BABAM2: variants seen among roughly 807,000 people sequenced by gnomAD.
BABAM2 encodes BRISC and BRCA1-A complex member 2.
A neutral mutation model predicts 54.7 loss-of-function variants in BABAM2; 31 were observed. The ratio of observed to expected loss-of-function variants is 0.57; its 90% CI spans 0.43 to 0.77. The LOEUF (loss-of-function observed/expected upper bound fraction) is 0.77. Among genes scored for constraint, BABAM2 ranks in the 30% least tolerant of loss-of-function variants. The pLI is 0.00. For missense variants in BABAM2, 364 were observed against 455.8 expected (o/e 0.80, Z 1.83); for synonymous variants, 167 against 162.9 (o/e 1.03, Z -0.19).
chr2:28,125,159 C>T (rs976224284), intron 6 of BABAM2, among the ~76,000 whole-genome samples: 1 of 152,080 alleles, frequency 6.6e-6, no homozygotes, highest in Non-Finnish European at 1.5e-5. Flanking sequence ...ATACCATTTT[C>T]CAGATTTTAA....
At position 28,083,742 on chromosome 2, in the gene BABAM2, A is replaced by G. The variant is rs148252459; in HGVS notation, c.570+37943A>G. 2.6e-3 allele frequency among the ~76,000 whole-genome samples: 389 copies of G among 152,278 alleles called. 4 individuals are homozygous for G. The highest frequency in any genetic ancestry group is 9.1e-3 in the African/African-American group (377 of 41,560). On this transcript the variant is annotated intron_variant, in intron 6 of 11. Transcript: ENST00000379624. ...TGAGGTCTGATTTGGCCTGTGGGTA[A>G]CTAGATACTGACTCTTATCTTTGTC...
intron 2 of BABAM2, among the ~76,000 whole-genome samples, chr2:27,920,303 T>G (rs1667258671): frequency 6.6e-6 from 1 of 152,188 alleles, no homozygotes; most frequent in South Asian, 2.1e-4. Flanking sequence ...ATATGTAAGA[T>G]TCCATGAACC....
intron 6 of BABAM2, among the ~76,000 whole-genome samples, chr2:28,119,653 G>A (rs984416870): frequency 6.6e-6 from 1 of 152,100 alleles, no homozygotes; most frequent in African/African-American, 2.4e-5. Context: ...GATAAGTACA[G>A]CTTCACAAAC....
intron 6 of BABAM2, among the ~76,000 whole-genome samples, chr2:28,066,364 G>A (rs934152102): frequency 6.6e-6 from 1 of 151,872 alleles, no homozygotes; most frequent in Non-Finnish European, 1.5e-5. Context: ...TTATTCTTTA[G>A]TATATTGTTT....
rs1676350761 is a variant in BABAM2 at position 28,032,275 on chromosome 2, T to G, written c.495+6855T>G. Among the ~76,000 whole-genome samples, 2 of 152,302 alleles carry G rather than the reference T, an allele frequency of 1.3e-5. 1 individual carries two copies. Among genetic ancestry groups the G allele is most frequent in the South Asian group, 4.1e-4 (2 of 4,828 alleles). ...TAAAAACATTCCTGCTCTAAAAGTA[T>G]GAGGCTTTGAAAAACCTGATATGCT... On this transcript the variant is annotated intron_variant, in intron 5 of 11. Coordinates refer to ENST00000379624, the MANE Select transcript of BABAM2 (RefSeq NM_199191.3).
At chr2:28,124,094 C>G (rs957299051) in intron 6 of BABAM2, among the ~76,000 whole-genome samples, 3 of 152,192 alleles carry the variant, frequency 2.0e-5, no homozygotes, top group Admixed American at 2.0e-4. Flanking sequence ...GATTTGTAAT[C>G]ATAGCCTCTA....
chr2:28,142,173 G>A (rs1671122803), intron 7 of BABAM2, among the ~76,000 whole-genome samples: 1 of 152,074 alleles, frequency 6.6e-6, no homozygotes, highest in South Asian at 2.1e-4. Context: ...CTGTAATAGA[G>A]GGATTAATGA....
intron 2 of BABAM2, among the ~76,000 whole-genome samples, chr2:27,904,374 A>G (rs1264664742): frequency 6.6e-6 from 1 of 152,212 alleles, no homozygotes; most frequent in African/African-American, 2.4e-5. Context: ...GCTGATACAT[A>G]GGAATATATG....
intron 4 of BABAM2, chr2:28,016,027 T>C: frequency 1.6e-6 from 1 of 640,736 alleles, no homozygotes. Context: ...TAAATTATCC[T>C]TACTGTCTGA....
At chr2:28,307,100 G>A (rs1382913154) in intron 11 of BABAM2, among the ~76,000 whole-genome samples, 23 of 141,650 alleles carry the variant, frequency 1.6e-4, no homozygotes, top group Admixed American at 3.0e-4. Context: ...TCTGCCTCCC[G>A]GGTTCAAGTG....
At chr2:28,180,357 C>T (rs2147879807) in intron 7 of BABAM2, among the ~76,000 whole-genome samples, 1 of 152,074 alleles carries the variant, frequency 6.6e-6, no homozygotes, top group Non-Finnish European at 1.5e-5. Context: ...CAAGAACATA[C>T]ATTGCAGAAA....
chr2:28,207,336 T>C (rs957638836), intron 7 of BABAM2, among the ~76,000 whole-genome samples: 3 of 68,198 alleles, frequency 4.4e-5, no homozygotes, highest in Non-Finnish European at 9.1e-5. Flanking sequence ...AGACCTCGTC[T>C]CTAGTTTAAA....
chr2:28,327,914 A>G (rs781246711), intron 11 of BABAM2, among the ~76,000 whole-genome samples: 1 of 152,198 alleles, frequency 6.6e-6, no homozygotes, highest in Non-Finnish European at 1.5e-5. Flanking sequence ...TTGACTGTGT[A>G]CATGAACCAG....
chr2:27,922,098 G>A (rs372631749), intron 2 of BABAM2, among the ~76,000 whole-genome samples: 6 of 152,176 alleles, frequency 3.9e-5, no homozygotes, highest in African/African-American at 1.2e-4. Context: ...TATGGTTAGC[G>A]TGTCCTGTAA....
intron 6 of BABAM2, among the ~76,000 whole-genome samples, chr2:28,067,474 A>G (rs941947004): frequency 1.3e-5 from 2 of 152,168 alleles, no homozygotes; most frequent in Admixed American, 6.5e-5. Context: ...TACAATTTCT[A>G]TCTGTTGAAA....
intron 10 of BABAM2, among the ~76,000 whole-genome samples, 166 bp downstream of exon 10, chr2:28,245,028 T>A (rs1682789320): frequency 6.6e-6 from 1 of 152,098 alleles, no homozygotes; most frequent in Admixed American, 6.6e-5. Flanking sequence ...TCTAGGCCGG[T>A]GGTTCTCAAC....
chr2:28,088,139 A>T (rs1292726379), intron 6 of BABAM2, among the ~76,000 whole-genome samples: 2 of 152,174 alleles, frequency 1.3e-5, no homozygotes, highest in Non-Finnish European at 2.9e-5. Context: ...GCTTACATAG[A>T]TGTCATAGAT....
At chr2:28,226,025 C>A (rs1187828639) in intron 7 of BABAM2, among the ~76,000 whole-genome samples, 1 of 152,106 alleles carries the variant, frequency 6.6e-6, no homozygotes, top group Non-Finnish European at 1.5e-5. Context: ...CTAAGAATGA[C>A]TTTTACATTT....
intron 11 of BABAM2, among the ~76,000 whole-genome samples, chr2:28,334,171 A>G (rs928699617): frequency 7.2e-5 from 11 of 152,236 alleles, no homozygotes; most frequent in African/African-American, 2.7e-4. Context: ...CAGAACAGGA[A>G]ACTTTAGAAC....
Sources: allele counts gnomAD v4.1 joint callset (sites outside exome capture counted in the v4.1 genomes callset), GRCh38; gene constraint gnomAD v4.1.1; transcripts MANE v1.5; gene names NCBI Gene and HGNC (gene_info 2026-07-23, HGNC 2026-07-21).